Variants in MDFIC2 observed in about 807,000 individuals in gnomAD.
MDFIC2 encodes MyoD family inhibitor domain containing 2, also known as myoD family inhibitor domain-containing protein 2.
chr3:70,248,826 G>A (rs1288964161), intron 2 of MDFIC2, among the ~76,000 whole-genome samples: 1 of 152,100 alleles, frequency 6.6e-6, no homozygotes, highest in Non-Finnish European at 1.5e-5. Flanking sequence ...TGTGTGATAT[G>A]TTTGCCAGTG....
intron 2 of MDFIC2, among the ~76,000 whole-genome samples, chr3:70,290,174 TC>T (rs1467060850): frequency 1.3e-5 from 2 of 152,202 alleles, no homozygotes; most frequent in African/African-American, 4.8e-5. Context: ...TTCTGTTTTT[TC>T]CCCATCTTTG....
At chr3:70,291,327 T>A (rs1471649422) in intron 2 of MDFIC2, 1 of 152,128 alleles carries the variant, frequency 6.6e-6, no homozygotes, top group Non-Finnish European at 1.5e-5. Context: ...TTTTAGACAA[T>A]TCAGTGAATT....
intron 2 of MDFIC2, among the ~76,000 whole-genome samples, chr3:70,224,095 T>C (rs2106738952): frequency 6.6e-6 from 1 of 152,224 alleles, no homozygotes; most frequent in South Asian, 2.1e-4. Context: ...TAGTGTAAAA[T>C]CCAAATCCCT....
intron 2 of MDFIC2, among the ~76,000 whole-genome samples, chr3:70,296,352 G>T (rs562462284): frequency 2.0e-5 from 3 of 152,130 alleles, no homozygotes; most frequent in Admixed American, 1.3e-4. Flanking sequence ...CTCTTAACAT[G>T]ATACTTTCTT....
intron 2 of MDFIC2, among the ~76,000 whole-genome samples, chr3:70,254,760 C>T (rs1028199137): frequency 1.3e-5 from 2 of 152,144 alleles, no homozygotes; most frequent in Non-Finnish European, 2.9e-5. Flanking sequence ...TATTCTATCA[C>T]CTCTCCATAG....
chr3:70,195,996 A>T lies in MDFIC2; in HGVS notation c.*930T>A, dbSNP rs991862800. On this transcript the variant is annotated 3_prime_UTR_variant, in exon 4 of 4. Coordinates refer to ENST00000567252, the MANE Select transcript of MDFIC2 (RefSeq NM_001364677.1). ...TGGTTTCTGAAGCACATGCTATATT[A>T]AGAAGCTTGGTGCTGAATAAGTACC... Among the ~76,000 whole-genome samples, 1 of 152,196 alleles carries T rather than the reference A, an allele frequency of 6.6e-6. No individual in the cohort carries two copies. Among genetic ancestry groups the T allele is most frequent in the Non-Finnish European group, 1.5e-5 (1 of 68,024 alleles).
intron 2 of MDFIC2, among the ~76,000 whole-genome samples, chr3:70,255,862 C>G (rs1559546269): frequency 6.6e-6 from 1 of 152,172 alleles, no homozygotes; most frequent in Non-Finnish European, 1.5e-5. Context: ...TTAGAAAATG[C>G]TTTAACTTCT....
chr3:70,275,469 C>T (rs1702015147), intron 2 of MDFIC2, among the ~76,000 whole-genome samples: 1 of 152,176 alleles, frequency 6.6e-6, no homozygotes, highest in Non-Finnish European at 1.5e-5. Flanking sequence ...GAGCAGTGAT[C>T]ATGCCACTGC....
intron 2 of MDFIC2, among the ~76,000 whole-genome samples, chr3:70,285,757 G>A (rs1230252045): frequency 6.6e-6 from 1 of 151,948 alleles, no homozygotes; most frequent in African/African-American, 2.4e-5. Flanking sequence ...ATTCTAACTG[G>A]TGTGAGATGG....
chr3:70,268,021 T>C (rs1701936980), intron 2 of MDFIC2, among the ~76,000 whole-genome samples: 1 of 148,716 alleles, frequency 6.7e-6, no homozygotes. Context: ...CCTCCTTCTC[T>C]TCCTCTTTCT....
At chr3:70,251,442 G>A (rs1701767247) in intron 2 of MDFIC2, among the ~76,000 whole-genome samples, 1 of 152,038 alleles carries the variant, frequency 6.6e-6, no homozygotes, top group South Asian at 2.1e-4. Context: ...TCTGTCTACT[G>A]GCATAATAGT....
At chr3:70,237,454 G>C (rs144986795) in intron 2 of MDFIC2, among the ~76,000 whole-genome samples, 157 of 152,190 alleles carry the variant, frequency 1.0e-3, no homozygotes, top group African/African-American at 3.6e-3. Flanking sequence ...ATTCCTTTCA[G>C]TGAAACGTCT....
At position 70,196,851 on chromosome 3, in the gene MDFIC2, T is replaced by C. The variant is rs1701186502; in HGVS notation, c.*75A>G. On this transcript the variant is annotated 3_prime_UTR_variant, in exon 4 of 4. Coordinates refer to ENST00000567252, the MANE Select transcript of MDFIC2 (RefSeq NM_001364677.1). ...TGTACAGTCCTTACATTTCAGCACA[T>C]GGAAATCAGTCTTGTTGTAATGGAA... 2.5e-6 allele frequency: 1 copy of C among 397,940 alleles called. No individual in the cohort carries two copies. Among genetic ancestry groups the C allele is most frequent in the Admixed American group, 4.4e-5 (1 of 22,728 alleles). The allele number at this position is 397,940 out of a possible 1,614,324, so 24.7% of individuals were successfully genotyped here.
chr3:70,224,416 T>A (rs2106739216), intron 2 of MDFIC2, among the ~76,000 whole-genome samples: 1 of 152,304 alleles, frequency 6.6e-6, no homozygotes, highest in African/African-American at 2.4e-5. Context: ...AGAAGCCCTT[T>A]GGATGGGCTC....
intron 2 of MDFIC2, among the ~76,000 whole-genome samples, chr3:70,245,989 A>G (rs2106646067): frequency 6.6e-6 from 1 of 151,612 alleles, no homozygotes; most frequent in Non-Finnish European, 1.5e-5. Context: ...GAAATTGACA[A>G]CAGCCTACAT....
intron 3 of MDFIC2, among the ~76,000 whole-genome samples, chr3:70,203,399 G>A (rs1328282683): frequency 6.6e-6 from 1 of 152,082 alleles, no homozygotes. Context: ...GTGATTGAAT[G>A]CCTTTCTCTA....
intron 2 of MDFIC2, among the ~76,000 whole-genome samples, chr3:70,245,669 C>CTT (rs1214842980): frequency 6.9e-5 from 5 of 72,216 alleles, no homozygotes; most frequent in East Asian, 8.8e-4. Flanking sequence ...TTGCAAACTG[C>CTT]TTTATATATA....
At chr3:70,267,158 T>C (rs933318042) in intron 2 of MDFIC2, among the ~76,000 whole-genome samples, 4 of 152,142 alleles carry the variant, frequency 2.6e-5, no homozygotes, top group Admixed American at 6.5e-5. Context: ...ATAAATTTTC[T>C]CTGATTGATT....
chr3:70,264,312 C>A (rs1701894795), intron 2 of MDFIC2, among the ~76,000 whole-genome samples: 2 of 152,200 alleles, frequency 1.3e-5, no homozygotes, highest in African/African-American at 4.8e-5. Flanking sequence ...TGCCACAATG[C>A]AGGCCTTTAT....
Sources: allele counts gnomAD v4.1 joint callset (sites outside exome capture counted in the v4.1 genomes callset), GRCh38; gene constraint gnomAD v4.1.1; transcripts MANE v1.5; gene names NCBI Gene and HGNC (gene_info 2026-07-23, HGNC 2026-07-21).